TAFA1: variants seen among roughly 807,000 people sequenced by gnomAD.
The protein encoded by TAFA1 is chemokine-like protein TAFA-1.
TAFA1 carries 4 observed loss-of-function variants against 18.5 expected under a neutral mutation model. The observed-to-expected ratio is 0.22, with a 90% CI of 0.11 to 0.49. The LOEUF (loss-of-function observed/expected upper bound fraction) is 0.49, where lower values mean the gene tolerates loss of function less well. Ranked by LOEUF, TAFA1 falls within the 20% of genes least tolerant of loss-of-function variation. TAFA1 has a pLI of 0.98. For synonymous variants in TAFA1, 56 were observed against 55.2 expected (o/e 1.01, Z -0.06); for missense variants, 147 against 169.0 (o/e 0.87, Z 0.72).
At chr3:68,193,627 C>A (rs2066375724) in intron 2 of TAFA1, among the ~76,000 whole-genome samples, 1 of 151,678 alleles carries the variant, frequency 6.6e-6, no homozygotes, top group African/African-American at 2.4e-5. Flanking sequence ...AAACATCTTT[C>A]CTTAAGCAAA....
At chr3:68,443,004 G>A (rs911138802) in intron 3 of TAFA1, among the ~76,000 whole-genome samples, 3 of 152,108 alleles carry the variant, frequency 2.0e-5, no homozygotes, top group Non-Finnish European at 4.4e-5. Context: ...GGTGATACAG[G>A]AAGCCTCTGA....
chr3:68,019,755 C>G (rs1704647114), intron 2 of TAFA1, among the ~76,000 whole-genome samples: 2 of 152,082 alleles, frequency 1.3e-5, no homozygotes, highest in African/African-American at 4.8e-5. Flanking sequence ...TTCTTGTCAT[C>G]ATCAAAAACA....
intron 2 of TAFA1, among the ~76,000 whole-genome samples, chr3:68,039,514 G>A (rs180773741): frequency 3.3e-5 from 5 of 152,114 alleles, no homozygotes; most frequent in South Asian, 2.1e-4. Context: ...TATTTTATAC[G>A]ATTGATATGA....
chr3:68,356,394 A>C (rs1312277853), intron 2 of TAFA1, among the ~76,000 whole-genome samples: 1 of 151,896 alleles, frequency 6.6e-6, no homozygotes, highest in East Asian at 1.9e-4. Context: ...AAGGCAGCGT[A>C]CACGGATGCT....
chr3:68,354,058 G>C lies in TAFA1; in HGVS notation c.119-63222G>C, dbSNP rs184872650. On this transcript the variant is annotated intron_variant, in intron 2 of 4. Transcript: ENST00000478136. ...CCTGTATATATACTAACTGACCCTC[G>C]AGTTTTGACTATAGGGGTTTTCGTT... Among the ~76,000 whole-genome samples, 499 of 151,954 alleles carry C rather than the reference G, an allele frequency of 3.3e-3. 2 individuals carry two copies. Among genetic ancestry groups the C allele is most frequent in the Middle Eastern group, 6.8e-3 (2 of 294 alleles).
At chr3:68,056,677 A>G (rs1459634660) in intron 2 of TAFA1, among the ~76,000 whole-genome samples, 3 of 152,200 alleles carry the variant, frequency 2.0e-5, no homozygotes, top group Non-Finnish European at 4.4e-5. Context: ...CCAGTAGAGA[A>G]GCAAGGGTGT....
chr3:68,021,602 C>G (rs1704691606), intron 2 of TAFA1, among the ~76,000 whole-genome samples: 1 of 152,094 alleles, frequency 6.6e-6, no homozygotes, highest in Non-Finnish European at 1.5e-5. Flanking sequence ...TGTATGTACC[C>G]TGTATTTTCT....
chr3:68,366,366 C>T (rs1387996703), intron 2 of TAFA1, among the ~76,000 whole-genome samples: 1 of 152,202 alleles, frequency 6.6e-6, no homozygotes, highest in Non-Finnish European at 1.5e-5. Flanking sequence ...AGCTTGAAAT[C>T]TTGACTTTCA....
intron 2 of TAFA1, among the ~76,000 whole-genome samples, chr3:68,260,184 T>A (rs1295313759): frequency 6.6e-6 from 1 of 152,170 alleles, no homozygotes; most frequent in Non-Finnish European, 1.5e-5. Context: ...TTTCTGCATC[T>A]ATTGAGATAA....
chr3:68,153,846 C>T (rs146456339), intron 2 of TAFA1, among the ~76,000 whole-genome samples: 1 of 152,094 alleles, frequency 6.6e-6, no homozygotes, highest in African/African-American at 2.4e-5. Context: ...GCTTAGATTG[C>T]TGCGTGAAAA....
At chr3:68,270,367 GT>G (rs2067641440) in intron 2 of TAFA1, among the ~76,000 whole-genome samples, 1 of 152,148 alleles carries the variant, frequency 6.6e-6, no homozygotes, top group African/African-American at 2.4e-5. Flanking sequence ...CATTTGGTGT[GT>G]TTGTGTCCAG....
chr3:68,263,435 C>CCACACA (rs1273459888), intron 2 of TAFA1, among the ~76,000 whole-genome samples: 33 of 86,588 alleles, frequency 3.8e-4, no homozygotes, highest in African/African-American at 1.9e-3. Context: ...GATACTTTAA[C>CCACACA]CACACACACA....
At chr3:68,182,449 A>G (rs2066216118) in intron 2 of TAFA1, among the ~76,000 whole-genome samples, 1 of 152,196 alleles carries the variant, frequency 6.6e-6, no homozygotes, top group Admixed American at 6.5e-5. Flanking sequence ...CATACAATGC[A>G]GTAGTATTTC....
At chr3:68,024,008 G>A (rs182766394) in intron 2 of TAFA1, among the ~76,000 whole-genome samples, 20 of 152,210 alleles carry the variant, frequency 1.3e-4, no homozygotes, top group Non-Finnish European at 2.4e-4. Flanking sequence ...CCAGTTTTAA[G>A]AAGAATTGCC....
Position 68,189,598 on chromosome 3 carries a change from C to A in TAFA1, c.118+182854C>A, listed in dbSNP as rs950747358. Among the ~76,000 whole-genome samples, 8 of 151,788 alleles carry A rather than the reference C, an allele frequency of 5.3e-5. No homozygotes were observed. The South Asian group carries it at 1.5e-3, about 28-fold the overall frequency. ...TCACACCCTGGGCCAATGACTGGTA[C>A]TCAGTCAAGAAAGGGAGCAAGGTGA... is the stretch of plus-strand genomic sequence containing the variant. On this transcript the variant is annotated intron_variant, in intron 2 of 4. Coordinates refer to ENST00000478136, the MANE Select transcript of TAFA1 (RefSeq NM_213609.4).
intron 2 of TAFA1, among the ~76,000 whole-genome samples, chr3:68,079,830 G>T (rs550795721): frequency 1.4e-4 from 22 of 152,002 alleles, no homozygotes; most frequent in Admixed American, 3.9e-4. Context: ...CTATTAGGTC[G>T]GCTTGGTGCA....
chr3:68,024,247 C>T (rs1704763823), intron 2 of TAFA1, among the ~76,000 whole-genome samples: 1 of 152,016 alleles, frequency 6.6e-6, no homozygotes, highest in South Asian at 2.1e-4. Context: ...CTATACATGC[C>T]TTGATGATGA....
intron 3 of TAFA1, among the ~76,000 whole-genome samples, chr3:68,480,378 G>C (rs1007235972): frequency 5.3e-5 from 8 of 151,872 alleles, no homozygotes; most frequent in African/African-American, 1.9e-4. Flanking sequence ...ACTCCAGCCT[G>C]GGTGACAGAG....
In TAFA1 at chr3:68,255,763, T is replaced by TA. The variant is rs969993607; in HGVS notation, c.119-161516dup. 2.5e-4 allele frequency among the ~76,000 whole-genome samples: 38 copies of TA among 152,104 alleles called. 1 individual carries two copies. On this transcript the variant is annotated intron_variant, in intron 2 of 4. Coordinates refer to ENST00000478136, the MANE Select transcript of TAFA1 (RefSeq NM_213609.4). ...CTTAGGATTTTCTGTCTTCTGAAGA[T>TA]ATTGACTAAAGTGTCCAAAGTGGGG...
Sources: gnomAD v4.1 joint callset for allele counts (sites outside exome capture counted in the v4.1 genomes callset) on GRCh38, gnomAD v4.1.1 for gene constraint, MANE v1.5 for transcripts, NCBI Gene and HGNC (gene_info 2026-07-23, HGNC 2026-07-21) for gene names.